The following PPIG variants were observed in gnomAD, a reference collection of about 807,000 sequenced individuals.
The protein encoded by PPIG is peptidyl-prolyl cis-trans isomerase G.
PPIG carries 26 observed loss-of-function variants against 87.9 expected under a neutral mutation model. The observed-to-expected ratio is 0.30, with a 90% CI of 0.22 to 0.41. The LOEUF is 0.41. PPIG is among the 10% of genes least tolerant of loss of function. PPIG has a pLI of 1.00. For synonymous variants in PPIG, 308 were observed against 276.5 expected, an observed-to-expected ratio of 1.11 and a Z score of -1.13; for missense variants, 722 against 879.4, an observed-to-expected ratio of 0.82 and a Z score of 2.26.
intron 1 of PPIG, among the ~76,000 whole-genome samples, chr2:169,596,042 G>A (rs890403791): frequency 4.6e-5 from 7 of 151,564 alleles, no homozygotes; most frequent in Non-Finnish European, 8.8e-5. Context: ...GACCTCAGAT[G>A]ATCCACCCGC....
At chr2:169,635,623 T>C (rs993194204) in intron 12 of PPIG, among the ~76,000 whole-genome samples, 1 of 151,982 alleles carries the variant, frequency 6.6e-6, no homozygotes, top group African/African-American at 2.4e-5. Flanking sequence ...GTTGAATAAG[T>C]GAACATCTAC....
intron 11 of PPIG, among the ~76,000 whole-genome samples, chr2:169,632,598 G>A (rs1011217735): frequency 8.6e-5 from 13 of 151,854 alleles, no homozygotes; most frequent in African/African-American, 2.9e-4. Context: ...AAAATTAGCC[G>A]GGTGTGGTGG....
chr2:169,636,771 G>C lies in PPIG; in HGVS notation c.1513G>C (p.Asp505His). ...ENVKEKEKQS[D>H]SKGKDQERSR... ...TGTTAAAGAAAAAGAAAAGCAGTCT[G>C]ATTCTAAAGGAAAAGATCAGGAAAG... is the stretch of plus-strand genomic sequence containing the variant. Residue 505 changes from aspartate (D) to histidine (H), a missense_variant, in exon 14 of 14, where the codon GAT becomes CAT. Around this residue, in one of 4 missense-constraint regions of PPIG, gnomAD observed 476 missense variants for 483.1 expected, o/e 0.99. Coordinates refer to ENST00000260970, the MANE Select transcript of PPIG (RefSeq NM_004792.3). 1 of 1,612,312 alleles carries C rather than the reference G, an allele frequency of 6.2e-7. No homozygotes were observed. Among genetic ancestry groups the C allele is most frequent in the East Asian group, 2.2e-5 (1 of 44,868 alleles).
At chr2:169,593,849 G>GTTTCACCA (rs1410141252) in intron 1 of PPIG, among the ~76,000 whole-genome samples, 1 of 150,306 alleles carries the variant, frequency 6.7e-6, no homozygotes, top group Non-Finnish European at 1.5e-5. Flanking sequence ...TAGAGACGGG[G>GTTTCACCA]TTTCACCATG....
chr2:169,632,454 T>C (rs1434623016), intron 11 of PPIG, among the ~76,000 whole-genome samples: 1 of 152,186 alleles, frequency 6.6e-6, no homozygotes, highest in Non-Finnish European at 1.5e-5. Context: ...TTAATAACTA[T>C]GTCCAGGCTG....
chr2:169,592,592 C>G (rs1228297869), intron 1 of PPIG, among the ~76,000 whole-genome samples: 1 of 152,182 alleles, frequency 6.6e-6, no homozygotes, highest in African/African-American at 2.4e-5. Context: ...GCGTGAGCCA[C>G]CGTGCCTGGC....
At chr2:169,589,789 G>A (rs1013033856) in intron 1 of PPIG, among the ~76,000 whole-genome samples, 1 of 152,088 alleles carries the variant, frequency 6.6e-6, no homozygotes, top group Non-Finnish European at 1.5e-5. Context: ...ACTGACTACA[G>A]ATATATGTTA....
intron 9 of PPIG, among the ~76,000 whole-genome samples, chr2:169,618,660 T>C (rs1292235349): frequency 6.6e-6 from 1 of 152,210 alleles, no homozygotes; most frequent in Non-Finnish European, 1.5e-5. Flanking sequence ...CATAGTATTC[T>C]CTGATGGTAG....
intron 5 of PPIG, 24 bp downstream of exon 5, chr2:169,606,170 T>G: frequency 6.7e-7 from 1 of 1,492,748 alleles, no homozygotes; most frequent in Non-Finnish European, 9.3e-7. Flanking sequence ...AAATCATGTA[T>G]TATTTTCTGT....
chr2:169,604,355 T>TTTATAAAG, intron 4 of PPIG, 94 bp downstream of exon 4: 1 of 813,336 alleles, frequency 1.2e-6, no homozygotes, highest in Non-Finnish European at 1.9e-6. Context: ...TTTTTTTTTT[T>TTTATAAAG]GAGACAGGAT....
At chr2:169,614,522 C>G (rs766428383) in intron 8 of PPIG, 29 bp downstream of exon 8, 7 of 1,555,168 alleles carry the variant, frequency 4.5e-6, no homozygotes, top group Non-Finnish European at 6.1e-6. Context: ...ATTTTACAAC[C>G]TGTTTTAAAT....
At chr2:169,594,779 T>A (rs1312546189) in intron 1 of PPIG, among the ~76,000 whole-genome samples, 3 of 151,042 alleles carry the variant, frequency 2.0e-5, no homozygotes, top group Non-Finnish European at 4.4e-5. Context: ...TGCACATCAC[T>A]ACGCTCAGCT....
At chr2:169,634,128 AAGG>A (rs1189013359) in intron 12 of PPIG, among the ~76,000 whole-genome samples, 1 of 152,006 alleles carries the variant, frequency 6.6e-6, no homozygotes, top group African/African-American at 2.4e-5. Context: ...TGGTACAATC[AAGG>A]ATCACTGCAG....
chr2:169,623,007 G>C (rs1685797689), intron 9 of PPIG, among the ~76,000 whole-genome samples: 1 of 152,080 alleles, frequency 6.6e-6, no homozygotes, highest in Non-Finnish European at 1.5e-5. Context: ...ATCTATATGT[G>C]TTCTTGGGGA....
intron 10 of PPIG, chr2:169,631,399 CTG>C (rs1686048450): frequency 3.4e-6 from 1 of 293,800 alleles, no homozygotes; most frequent in African/African-American, 2.3e-5. Flanking sequence ...TTGAAATAAT[CTG>C]TGTTTGTACT....
chr2:169,606,092 C>G lies in PPIG; in HGVS notation c.190C>G (p.Leu64Val). 6.2e-7 allele frequency: 1 copy of G among 1,613,558 alleles called. No homozygotes were observed. Among genetic ancestry groups the G allele is most frequent in the South Asian group, 1.1e-5 (1 of 91,062 alleles). Residue 64 changes from leucine (L) to valine (V), a missense_variant, in exon 5 of 14, where the codon CTC (leucine) becomes GTC (valine). Coordinates refer to ENST00000260970, the MANE Select transcript of PPIG (RefSeq NM_004792.3). Reference protein sequence around the residue: ...TQKPLHYKSCLFHRVVKDFMV... With the variant: ...TQKPLHYKSCVFHRVVKDFMV... ...GAAACCATTACATTATAAGAGTTGT[C>G]TCTTTCACAGAGTTGTCAAGGATTT...
At chr2:169,633,131 G>T in intron 11 of PPIG, 29 bp from the exon 12 acceptor site, 2 of 1,514,212 alleles carry the variant, frequency 1.3e-6, no homozygotes, top group Non-Finnish European at 1.8e-6. Context: ...TTAAAAAAAT[G>T]TGTTAACTTT....
intron 9 of PPIG, among the ~76,000 whole-genome samples, chr2:169,625,858 C>T (rs981901387): frequency 2.6e-5 from 4 of 152,070 alleles, no homozygotes; most frequent in Non-Finnish European, 5.9e-5. Flanking sequence ...CAGGCATAAG[C>T]GTTTAATAAG....
chr2:169,617,760 C>T (rs896662893), intron 9 of PPIG, among the ~76,000 whole-genome samples: 13 of 152,158 alleles, frequency 8.5e-5, no homozygotes, highest in African/African-American at 2.7e-4. Flanking sequence ...GGGGCTGAGA[C>T]GATGGGGTTT....
Sources: allele counts gnomAD v4.1 joint callset (sites outside exome capture counted in the v4.1 genomes callset), GRCh38; gene constraint gnomAD v4.1.1; regional missense constraint gnomAD v4.1.1; transcripts MANE v1.5; gene names NCBI Gene and HGNC (gene_info 2026-07-23, HGNC 2026-07-21).